The following MSL3 variants were observed in gnomAD, a reference collection of about 807,000 sequenced individuals.
MSL3 encodes MSL3-like 1.
A neutral mutation model predicts 37.2 loss-of-function variants in MSL3; 5 were observed. The observed-to-expected ratio is 0.13, with a 90% CI of 0.07 to 0.28. The LOEUF is 0.28. MSL3 is among the 10% of genes least tolerant of loss of function. MSL3 has a pLI of 1.00. For synonymous variants in MSL3, 149 were observed against 147.6 expected, an observed-to-expected ratio of 1.01 and a Z score of -0.07; for missense variants, 315 against 408.5, an observed-to-expected ratio of 0.77 and a Z score of 1.97.
chrX:11,765,761 G>C (rs1355621865), intron 9 of MSL3, 32 bp downstream of exon 9: 1 of 1,202,514 alleles, frequency 8.3e-7, no homozygotes, highest in African/African-American at 1.7e-5. Flanking sequence ...CCAGGCCGGG[G>C]AGAGCCAGCG....
Position 11,775,073 on chromosome X carries a change from T to G in MSL3, c.1560T>G (p.Ile520Met). Residue 520 changes from isoleucine to methionine, a missense_variant, in exon 13 of 13, where the codon ATT (isoleucine) becomes ATG (methionine). Coordinates refer to ENST00000312196, the MANE Select transcript of MSL3 (RefSeq NM_078629.4). The part of the protein sequence containing the change: ...AHYSTKNPRA[I>M]Y ...ACAGCACCAAGAACCCCCGGGCAAT[T>G]TATTAAAATGTTGTTGGTTCTGTAA... 1 of 1,197,634 alleles carries G rather than the reference T, an allele frequency of 8.3e-7. No individual in the cohort carries two copies. The highest frequency in any genetic ancestry group is 1.1e-6 in the Non-Finnish European group (1 of 883,468).
At position 11,775,555 on chromosome X, in the gene MSL3, T is replaced by C. The variant is rs2053267519; in HGVS notation, c.*476T>C. 1 of 114,000 alleles carries C rather than the reference T, an allele frequency of 8.8e-6. No homozygotes were observed. The allele number at this position is 114,000 out of a possible 1,213,427, so 9.4% of individuals were successfully genotyped here. A position where few individuals can be genotyped will look rare whatever the true frequency, so the allele number is the denominator to read the frequency against. On this transcript the variant is annotated 3_prime_UTR_variant, in exon 13 of 13. Coordinates refer to ENST00000312196, the MANE Select transcript of MSL3 (RefSeq NM_078629.4). ...GTATTTTAGAGGGAATCGATATTGATGGCAAAAGAAAATTTGCAGCTATGC... is the reference window on the plus strand; with the variant it reads ...GTATTTTAGAGGGAATCGATATTGACGGCAAAAGAAAATTTGCAGCTATGC...
intron 12 of MSL3, among the ~76,000 whole-genome samples, chrX:11,774,775 G>GA (rs1478028561): frequency 9.0e-6 from 1 of 111,159 alleles, no homozygotes; most frequent in Non-Finnish European, 1.9e-5. Context: ...TGATGATGGT[G>GA]AAGGCATTCA....
Position 11,758,369 on chromosome X carries a change from C to T in MSL3, c.102+4C>T, listed in dbSNP as rs1347771407. The T allele has an allele frequency of 9.1e-7, 1 of 1,104,361 alleles. No homozygotes were observed. Among genetic ancestry groups the T allele is most frequent in the Non-Finnish European group, 1.2e-6 (1 of 838,097 alleles). 91.0% of individuals were successfully genotyped at this position (1,104,361 alleles called of 1,213,427 possible). ...GCGAGTGCTGTACGATGCCAAGGTG[C>T]CGCCGCGGAGGGACAGGGAGGAGGC... On this transcript the variant is annotated splice_donor_region_variant and intron_variant, in intron 1 of 12. Transcript: ENST00000312196.
intron 3 of MSL3, 52 bp from the exon 4 acceptor site, chrX:11,760,785 C>T: frequency 1.0e-6 from 1 of 958,315 alleles, no homozygotes. Flanking sequence ...GATCTCAAGA[C>T]TCACGAGTTC....
intron 9 of MSL3, chrX:11,768,079 C>T (rs2053200929): frequency 3.2e-6 from 1 of 316,282 alleles, no homozygotes; most frequent in Non-Finnish European, 4.2e-6. Context: ...TTAACAGCTT[C>T]ATTGACACAT....
chrX:11,764,794 C>T (rs752622265), intron 8 of MSL3, among the ~76,000 whole-genome samples: 13 of 111,916 alleles, frequency 1.2e-4, no homozygotes, highest in South Asian at 3.8e-4. Flanking sequence ...CTTCTCTTTC[C>T]GCCTGGCCGC....
chrX:11,758,214 CGCGCGCG>C, upstream of MSL3: 1 of 506,495 alleles, frequency 2.0e-6, no homozygotes, highest in Non-Finnish European at 2.7e-6. Flanking sequence ...CCTCCCCCAC[CGCGCGCG>C]CTCCGCCCGC....
In MSL3 at chrX:11,769,600, A is replaced by T. The variant is rs748905911; in HGVS notation, c.1281+918A>T. ...AAAATGGCTTTGCTAGGCAAAGAAC[A>T]TTTTTTTCTTTTTTTGACACAGGGT... On this transcript the variant is annotated intron_variant, in intron 10 of 12. Coordinates refer to ENST00000312196, the MANE Select transcript of MSL3 (RefSeq NM_078629.4). 2.7e-5 allele frequency among the ~76,000 whole-genome samples: 3 copies of T among 110,786 alleles called. No individual in the cohort carries two copies. In the Admixed American group the frequency reaches 2.9e-4, roughly 11 times the overall value.
intron 12 of MSL3, among the ~76,000 whole-genome samples, chrX:11,774,383 G>C (rs1455510505): frequency 9.0e-6 from 1 of 111,712 alleles, no homozygotes; most frequent in African/African-American, 3.3e-5. Context: ...GCAGTGGCGT[G>C]ATCTCGGCTC....
intron 10 of MSL3, among the ~76,000 whole-genome samples, chrX:11,770,931 A>C (rs926726272): frequency 8.0e-5 from 9 of 112,073 alleles, no homozygotes; most frequent in African/African-American, 2.9e-4. Context: ...TGCACTGGGC[A>C]GGTGCTGGGG....
chrX:11,762,857 G>C lies in MSL3; in HGVS notation c.609G>C (p.Gln203His), dbSNP rs878971477. ...AACAGTTAGTGAAACTTCCATGCCA[G>C]ACCAACATCATAACGATTTTGGAAT... ...RRKRLVKLPC[Q>H]TNIITILESY... The change falls in exon 7 of 13, where the codon CAG (glutamine) becomes CAC (histidine). Residue 203 changes from glutamine to histidine, a missense_variant. Coordinates refer to ENST00000312196, the MANE Select transcript of MSL3 (RefSeq NM_078629.4). The C allele has an allele frequency of 4.1e-6, 5 of 1,209,039 alleles. No homozygotes were observed. The highest frequency in any genetic ancestry group is 5.6e-6 in the Non-Finnish European group (5 of 894,226).
intron 9 of MSL3, chrX:11,766,733 G>A (rs2053187094): frequency 2.7e-6 from 2 of 753,416 alleles, no homozygotes; most frequent in Admixed American, 8.7e-5. Flanking sequence ...TGTGGAGGTG[G>A]AAACAGAGCT....
chrX:11,769,394 C>T (rs1261329857), intron 10 of MSL3, among the ~76,000 whole-genome samples: 1 of 112,216 alleles, frequency 8.9e-6, no homozygotes, highest in Non-Finnish European at 1.9e-5. Context: ...CACCAGATTT[C>T]CACTTGATAG....
intron 8 of MSL3, 45 bp downstream of exon 8, chrX:11,763,983 C>G: frequency 9.2e-7 from 1 of 1,084,362 alleles, no homozygotes; most frequent in Non-Finnish European, 1.3e-6. Flanking sequence ...GTCAGCAGTA[C>G]AATGATCAGA....
chrX:11,775,225 C>G lies in MSL3; in HGVS notation c.*146C>G. The G allele has an allele frequency of 2.3e-6, 1 of 443,664 alleles. No individual in the cohort carries two copies. Among genetic ancestry groups the G allele is most frequent in the Admixed American group, 4.2e-5 (1 of 23,753 alleles). 36.6% of individuals were successfully genotyped at this position (443,664 alleles called of 1,213,427 possible). ...CTCTGTTGTTTGAGTTGCCCACATACTGCAGTTATTCTGTTAGGAATGATT... is the reference window on the plus strand; with the variant it reads ...CTCTGTTGTTTGAGTTGCCCACATAGTGCAGTTATTCTGTTAGGAATGATT... On this transcript the variant is annotated 3_prime_UTR_variant, in exon 13 of 13. Coordinates refer to ENST00000312196, the MANE Select transcript of MSL3 (RefSeq NM_078629.4).
At position 11,761,399 on chromosome X, in the gene MSL3, T is replaced by G. The variant is rs62589892; in HGVS notation, c.383-101T>G. 3,537 of 447,733 alleles carry G rather than the reference T, an allele frequency of 7.9e-3. 18 individuals carry two copies. Among genetic ancestry groups the G allele is most frequent in the Non-Finnish European group, 9.5e-3 (2,497 of 261,777 alleles). 36.9% of individuals were successfully genotyped at this position (447,733 alleles called of 1,213,427 possible). ...TTTAAAAATACATGGAATTGCAGTT[T>G]ATTATTTCCAGTAGCACCCACACTA... is the stretch of plus-strand genomic sequence containing the variant. On this transcript the variant is annotated intron_variant, in intron 4 of 12. Coordinates refer to ENST00000312196, the MANE Select transcript of MSL3 (RefSeq NM_078629.4).
Position 11,760,386 on chromosome X carries a change from CTT to C in MSL3, c.186-12_186-11del, listed in dbSNP as rs748301212. The stretch of plus-strand genomic sequence containing the variant: ...TATCAAACTAAAGTACTGAATTTTC[CTT>C]TTTTGTTCAATTAGCTGGGATAGAT... On this transcript the variant is annotated splice_polypyrimidine_tract_variant and intron_variant, in intron 2 of 12. Transcript: ENST00000312196. 3.2e-5 allele frequency: 37 copies of C among 1,167,798 alleles called. No individual in the cohort carries two copies. Among genetic ancestry groups the C allele is most frequent in the Non-Finnish European group, 4.1e-5 (36 of 870,324 alleles).
At chrX:11,758,396 C>T (rs2053091330) in intron 1 of MSL3, 31 bp downstream of exon 1, 3 of 898,280 alleles carry the variant, frequency 3.3e-6, no homozygotes, top group South Asian at 5.8e-5. Flanking sequence ...GGAGGAGGCG[C>T]GGGCTGGGGG....
Sources: allele counts gnomAD v4.1 joint callset (sites outside exome capture counted in the v4.1 genomes callset), GRCh38; gene constraint gnomAD v4.1.1; transcripts MANE v1.5; gene names NCBI Gene and HGNC (gene_info 2026-07-23, HGNC 2026-07-21).